JPT2: variants seen among roughly 807,000 people sequenced by gnomAD.
JPT2 encodes the protein Jupiter microtubule associated homolog 2.
Under a neutral mutation model 15.9 loss-of-function variants are expected in JPT2, and 9 were observed. The observed-to-expected ratio is 0.57, with a 90% confidence interval of 0.34 to 0.99. The LOEUF (loss-of-function observed/expected upper bound fraction) is 0.99, where lower values mean the gene tolerates loss of function less well. Among genes scored for constraint, JPT2 ranks in the 50% least tolerant of loss-of-function variants. The pLI is 0.02. For synonymous variants in JPT2, 95 were observed against 91.7 expected (o/e 1.04, Z -0.21); for missense variants, 267 against 252.1 (o/e 1.06, Z -0.40).
At chr16:1,686,736 C>T (rs1448631746) in intron 2 of JPT2, 2 of 151,818 alleles carry the variant, frequency 1.3e-5, no homozygotes, top group Non-Finnish European at 2.9e-5. Context: ...GGCTGATAGA[C>T]TGTCCAGTTG....
chr16:1,688,382 A>G (rs1188994545), intron 2 of JPT2: 1 of 152,226 alleles, frequency 6.6e-6, no homozygotes, highest in African/African-American at 2.4e-5. Flanking sequence ...TCCAGATTCC[A>G]TGCCTTAAAC....
rs557374152 is a variant in JPT2, at chr16:1,691,783, G to T, written c.194-60G>T. ...GAGGTCTCCAAAGCACTGCGGGGGT[G>T]GGGTGGGGTGGGGTCCGGTGGACGT... On this transcript the variant is annotated intron_variant, in intron 2 of 4. Transcript: ENST00000248098. The T allele has an allele frequency of 2.2e-5, 35 of 1,567,856 alleles. No homozygotes were observed. In the African/African-American group the frequency reaches 3.9e-4, roughly 17 times the overall value.
intron 2 of JPT2, 120 bp from the exon 3 acceptor site, chr16:1,691,723 G>C (rs2037104535): frequency 8.3e-7 from 1 of 1,202,962 alleles, no homozygotes; most frequent in Admixed American, 2.4e-5. Context: ...TGTTGGCCTG[G>C]AGCTCAGGGC....
rs527469709 is a variant in JPT2, at chr16:1,693,233, G to GTA, written c.336+1249_336+1250insAT. Among the ~76,000 whole-genome samples the GTA allele has an allele frequency of 4.6e-5, 7 of 152,236 alleles. No individual in the cohort carries two copies. In the East Asian group the frequency reaches 1.4e-3, roughly 29 times the overall value. ...TGCCTCAGCGTCCCGAGTAGCCAGT[G>GTA]TTACATGCATGCACCACCACGTCCG... On this transcript the variant is annotated intron_variant, in intron 3 of 4. Coordinates refer to ENST00000248098, the MANE Select transcript of JPT2 (RefSeq NM_144570.3).
chr16:1,685,315 G>A (rs866473192), intron 1 of JPT2, 124 bp from the exon 2 acceptor site: 2 of 1,050,132 alleles, frequency 1.9e-6, no homozygotes, highest in South Asian at 1.6e-5. Flanking sequence ...GTGACAGAAT[G>A]AGACCTTGTC....
At chr16:1,694,843 G>A (rs1468928982) in intron 3 of JPT2, among the ~76,000 whole-genome samples, 1 of 152,172 alleles carries the variant, frequency 6.6e-6, no homozygotes, top group African/African-American at 2.4e-5. Flanking sequence ...AAAATGGATC[G>A]AAGACCTAAA....
chr16:1,682,620 C>T (rs1285746983), intron 1 of JPT2, among the ~76,000 whole-genome samples: 2 of 150,910 alleles, frequency 1.3e-5, no homozygotes, highest in Admixed American at 6.6e-5. Context: ...TGCAGTGAGC[C>T]GAGATTGTGC....
At chr16:1,678,400 C>T in intron 1 of JPT2, 44 bp downstream of exon 1, 4 of 1,005,528 alleles carry the variant, frequency 4.0e-6, no homozygotes, top group Non-Finnish European at 4.7e-6. Context: ...AGCGCGACCA[C>T]GTGGCGGGAG....
At chr16:1,683,573 C>T (rs1426502594) in intron 1 of JPT2, 1 of 1,535,254 alleles carries the variant, frequency 6.5e-7, no homozygotes, top group Non-Finnish European at 8.7e-7. Flanking sequence ...TGGACAGGGG[C>T]CCTGGGCACC....
chr16:1,692,869 C>T (rs753484874), intron 3 of JPT2, among the ~76,000 whole-genome samples: 1 of 152,146 alleles, frequency 6.6e-6, no homozygotes, highest in Non-Finnish European at 1.5e-5. Context: ...AAAACTGCTG[C>T]ATGTTTATTG....
chr16:1,679,692 G>A (rs1161377788), intron 1 of JPT2, among the ~76,000 whole-genome samples: 3 of 144,960 alleles, frequency 2.1e-5, no homozygotes, highest in Non-Finnish European at 3.0e-5. Flanking sequence ...GCAAGACTCC[G>A]TCTCAAAAAA....
chr16:1,695,112 T>TA (rs1437356028), intron 3 of JPT2, among the ~76,000 whole-genome samples: 4 of 152,062 alleles, frequency 2.6e-5, no homozygotes, highest in African/African-American at 4.8e-5. Flanking sequence ...AACTTTTTTT[T>TA]AACTAGCTGG....
rs1030958285 is a variant in JPT2, at chr16:1,678,353, C to T, written c.41C>T (p.Ser14Phe). 8.1e-7 allele frequency: 1 copy of T among 1,232,392 alleles called. No homozygotes were observed. The highest frequency in any genetic ancestry group is 1.0e-6 in the Non-Finnish European group (1 of 986,100). The allele number at this position is 1,232,392 out of a possible 1,614,324, so 76.3% of individuals were successfully genotyped here. The part of the protein sequence containing the change: ...VPDSEGGRAG[S>F]RAMKPPGGES... ...GATAGCGAGGGCGGCCGCGCCGGCTCCAGGTGCGGCGCGGGGCACACGGGA... is the reference window on the plus strand; with the variant it reads ...GATAGCGAGGGCGGCCGCGCCGGCTTCAGGTGCGGCGCGGGGCACACGGGA... Residue 14 changes from serine (S) to phenylalanine (F), a missense_variant, in exon 1 of 5, where the codon TCC (serine) becomes TTC (phenylalanine). Coordinates refer to ENST00000248098, the MANE Select transcript of JPT2 (RefSeq NM_144570.3).
At chr16:1,683,744 T>C in intron 1 of JPT2, 1 of 597,822 alleles carries the variant, frequency 1.7e-6, no homozygotes, top group Non-Finnish European at 2.9e-6. Flanking sequence ...CAGCGCTCTT[T>C]CTAGATCTTT....
At chr16:1,695,728 G>A (rs1403484500) in intron 3 of JPT2, among the ~76,000 whole-genome samples, 7 of 151,902 alleles carry the variant, frequency 4.6e-5, no homozygotes, top group Non-Finnish European at 5.9e-5. Flanking sequence ...AAAATTACCC[G>A]GGCATGGTGG....
intron 1 of JPT2, among the ~76,000 whole-genome samples, chr16:1,682,287 G>A (rs1051671556): frequency 2.6e-5 from 4 of 152,138 alleles, no homozygotes; most frequent in Non-Finnish European, 5.9e-5. Flanking sequence ...TGAGGCGGGA[G>A]AATTGCTTGA....
chr16:1,692,207 G>T (rs569840597), intron 3 of JPT2: 2 of 613,286 alleles, frequency 3.3e-6, no homozygotes, highest in South Asian at 2.0e-5. Context: ...AAGCTCTTCT[G>T]TGCTGGTGGC....
At chr16:1,694,602 A>T (rs1465483940) in intron 3 of JPT2, among the ~76,000 whole-genome samples, 1 of 152,236 alleles carries the variant, frequency 6.6e-6, no homozygotes, top group East Asian at 1.9e-4. Context: ...AAGCAACGGT[A>T]ATCCAAACAG....
chr16:1,691,268 G>T (rs1478541776), intron 2 of JPT2, among the ~76,000 whole-genome samples: 1 of 152,128 alleles, frequency 6.6e-6, no homozygotes, highest in Admixed American at 6.5e-5. Context: ...TTTCATTATG[G>T]CTTATCAAGT....
Sources: gnomAD v4.1 joint callset for allele counts (sites outside exome capture counted in the v4.1 genomes callset) on GRCh38, gnomAD v4.1.1 for gene constraint, MANE v1.5 for transcripts, NCBI Gene and HGNC (gene_info 2026-07-23, HGNC 2026-07-21) for gene names.